SLC7A7: variants seen among roughly 807,000 people sequenced by gnomAD.
SLC7A7 encodes the protein Y+L amino acid transporter 1.
In SLC7A7, 39 loss-of-function variants were observed where a neutral mutation model predicts 47.9. The observed-to-expected ratio is 0.81, with a 90% confidence interval of 0.63 to 1.06. SLC7A7 has a LOEUF of 1.06. Ranked by LOEUF, SLC7A7 falls within the 50% of genes least tolerant of loss-of-function variation. The pLI is 0.00. For synonymous variants in SLC7A7, 234 were observed against 242.8 expected (o/e 0.96, Z 0.34); for missense variants, 588 against 632.0 (o/e 0.93, Z 0.75).
chr14:22,798,767 TC>T (rs2039060807), intron 2 of SLC7A7, among the ~76,000 whole-genome samples: 1 of 152,176 alleles, frequency 6.6e-6, no homozygotes, highest in South Asian at 2.1e-4. Context: ...GCAAAAGTTT[TC>T]CTTTGACCCT....
chr14:22,800,688 A>G (rs1376791738), intron 2 of SLC7A7, among the ~76,000 whole-genome samples: 2 of 54,490 alleles, frequency 3.7e-5, no homozygotes, highest in Non-Finnish European at 1.1e-4. Flanking sequence ...TAATCCTAAC[A>G]CTTTGTTTGG....
chr14:22,819,550 T>G (rs976050860), upstream of SLC7A7: 1 of 152,198 alleles, frequency 6.6e-6, no homozygotes, highest in Non-Finnish European at 1.5e-5. Flanking sequence ...CAGGAGGCTC[T>G]TGGGTCTCCA....
At chr14:22,780,410 T>A (rs2038699066) in intron 2 of SLC7A7, 1 of 288,934 alleles carries the variant, frequency 3.5e-6, no homozygotes, top group Non-Finnish European at 6.7e-6. Flanking sequence ...TCATGGTCTC[T>A]CCCTCCTACC....
At chr14:22,818,024 C>CAA (rs775030790), upstream of SLC7A7, among the ~76,000 whole-genome samples, 2 of 139,324 alleles carry the variant, frequency 1.4e-5, no homozygotes, top group African/African-American at 2.6e-5. Context: ...CTAAAGCAAA[C>CAA]AAAAAAAAAA....
chr14:22,773,545 A>G lies in SLC7A7; in HGVS notation c.*65T>C, dbSNP rs764394389. ...CCAAAGAAGTGAGCTTTCCTTTTCAACTTCCTTAGCTCTAGCCAGTAGACC... is the reference window on the plus strand; with the variant it reads ...CCAAAGAAGTGAGCTTTCCTTTTCAGCTTCCTTAGCTCTAGCCAGTAGACC... On this transcript the variant is annotated 3_prime_UTR_variant, in exon 10 of 10. Coordinates refer to ENST00000674313, the MANE Select transcript of SLC7A7 (RefSeq NM_003982.4). The G allele has an allele frequency of 6.3e-6, 9 of 1,428,984 alleles. No individual in the cohort carries two copies. In the Admixed American group the frequency reaches 8.6e-5, roughly 14 times the overall value. 88.5% of individuals were successfully genotyped at this position (1,428,984 alleles called of 1,614,324 possible).
Position 22,813,170 on chromosome 14 carries a change from C to T in SLC7A7, c.229G>A (p.Ala77Thr). 6.2e-7 allele frequency: 1 copy of T among 1,614,186 alleles called. No homozygotes were observed. Among genetic ancestry groups the T allele is most frequent in the South Asian group, 1.1e-5 (1 of 91,088 alleles). ...AAGACGGAGAAGAGGCCCCCGACAG[C>T]CCAGATGACCAGAGAGAGACCAAAG... is the stretch of plus-strand genomic sequence containing the variant. The part of the protein sequence containing the change: ...ASFGLSLVIW[A>T]VGGLFSVFGA... The change falls in exon 2 of 10, where the codon GCT (alanine) becomes ACT (threonine). Residue 77 changes from alanine to threonine, a missense_variant. Transcript: ENST00000674313.
intron 2 of SLC7A7, among the ~76,000 whole-genome samples, chr14:22,796,066 A>G (rs1350746910): frequency 6.6e-6 from 1 of 152,088 alleles, no homozygotes; most frequent in East Asian, 1.9e-4. Flanking sequence ...ATGAAAGCCT[A>G]TTTCTTGAGG....
rs1395295492 is a variant in SLC7A7 at position 22,776,217 on chromosome 14, A to G, written c.872T>C (p.Leu291Ser). Residue 291 changes from leucine to serine, a missense_variant, in exon 5 of 10, where the codon TTG becomes TCG. Leu to Ser is a moderately radical substitution (Grantham distance 145). Transcript: ENST00000674313. ...TACCACAGCAACAGCATCACTGGCC[A>G]AGATGTCTCTCATGTCTAGCACAGT... ...YYTVLDMRDI[L>S]ASDAVAVTFA... 6.2e-7 allele frequency: 1 copy of G among 1,614,246 alleles called. No individual in the cohort carries two copies. Among genetic ancestry groups the G allele is most frequent in the South Asian group, 1.1e-5 (1 of 91,088 alleles).
chr14:22,815,262 C>A, intron 1 of SLC7A7, 58 bp downstream of exon 1: 1 of 424,666 alleles, frequency 2.4e-6, no homozygotes, highest in Non-Finnish European at 4.8e-6. Flanking sequence ...TGCACAGCAG[C>A]AAAGAGGAGG....
chr14:22,785,685 G>A (rs1319004185), intron 2 of SLC7A7, among the ~76,000 whole-genome samples: 2 of 140,688 alleles, frequency 1.4e-5, no homozygotes, highest in African/African-American at 2.7e-5. Flanking sequence ...CTGAGATCTC[G>A]CCATTGCACC....
intron 2 of SLC7A7, among the ~76,000 whole-genome samples, chr14:22,799,777 T>C (rs1449073279): frequency 2.6e-5 from 4 of 152,142 alleles, no homozygotes; most frequent in Non-Finnish European, 5.9e-5. Context: ...TCAATAACCA[T>C]ATATACAATG....
intron 2 of SLC7A7, among the ~76,000 whole-genome samples, chr14:22,782,911 C>T (rs1228126918): frequency 6.6e-6 from 1 of 151,726 alleles, no homozygotes; most frequent in African/African-American, 2.4e-5. Flanking sequence ...CAAAGGTGTG[C>T]ACCACCATGC....
At chr14:22,791,577 GGTCTGTGTATA>G in intron 2 of SLC7A7, among the ~76,000 whole-genome samples, 1 of 152,152 alleles carries the variant, frequency 6.6e-6, no homozygotes, top group Non-Finnish European at 1.5e-5. Flanking sequence ...GGTTAGGCTG[GGTCTGTGTATA>G]GTCAGATGCA....
At chr14:22,816,791 A>T (rs2039412821), upstream of SLC7A7, among the ~76,000 whole-genome samples, 1 of 152,128 alleles carries the variant, frequency 6.6e-6, no homozygotes, top group Non-Finnish European at 1.5e-5. Context: ...TCTGGGAGAC[A>T]TCTCTACCAT....
intron 4 of SLC7A7, among the ~76,000 whole-genome samples, chr14:22,776,761 A>C (rs919833492): frequency 2.6e-5 from 4 of 152,056 alleles, no homozygotes; most frequent in African/African-American, 9.7e-5. Flanking sequence ...TGAGGTCAGG[A>C]GTTCAAGACC....
intron 2 of SLC7A7, among the ~76,000 whole-genome samples, chr14:22,795,438 C>CTTTTCTATTCT (rs1286168660): frequency 8.9e-6 from 1 of 111,996 alleles, no homozygotes; most frequent in African/African-American, 3.6e-5. Flanking sequence ...TTCTTTCTTT[C>CTTTTCTATTCT]TTTCTTTTCT....
rs11568434 is a variant in SLC7A7 at position 22,776,015 on chromosome 14, C to T, written c.895-79G>A. ...ATGGATGGGCATGCCCCCAGATTCC[C>T]CTTATTAGGTATTCCAACCTTTCTT... On this transcript the variant is annotated intron_variant, in intron 5 of 9. Coordinates refer to ENST00000674313, the MANE Select transcript of SLC7A7 (RefSeq NM_003982.4). The T allele has an allele frequency of 1.5e-3, 2,134 of 1,420,172 alleles. 23 individuals carry two copies. The East Asian group carries it at 0.026, about 17-fold the overall frequency. 88.0% of individuals were successfully genotyped at this position (1,420,172 alleles called of 1,614,324 possible). A position where few individuals can be genotyped will look rare whatever the true frequency, so the allele number is the denominator to read the frequency against.
Position 22,775,457 on chromosome 14 carries a change from G to A in SLC7A7, c.1082C>T (p.Ser361Phe), listed in dbSNP as rs2038582461. Residue 361 changes from serine to phenylalanine, a missense_variant, in exon 7 of 10, where the codon TCT becomes TTT. Physicochemically the swap from Ser to Phe is radical, Grantham distance 155. Transcript: ENST00000674313. ...IHVERFTPVP[S>F]LLFNGIMALI... ...GAGTTCACTTACATTGAAGAGCAGA[G>A]AAGGCACTGGTGTGAACCGCTCAAC... 1 of 1,613,788 alleles carries A rather than the reference G, an allele frequency of 6.2e-7. No individual in the cohort carries two copies. The highest frequency in any genetic ancestry group is 1.3e-5 in the African/African-American group (1 of 74,932).
At chr14:22,776,139 A>G (rs2038600799) in intron 5 of SLC7A7, 56 bp downstream of exon 5, 1 of 1,612,828 alleles carries the variant, frequency 6.2e-7, no homozygotes. Context: ...AAGAGCCAGA[A>G]TATACCCAGT....
Sources: gnomAD v4.1 joint callset for allele counts (sites outside exome capture counted in the v4.1 genomes callset) on GRCh38, gnomAD v4.1.1 for gene constraint, MANE v1.5 for transcripts, NCBI Gene and HGNC (gene_info 2026-07-23, HGNC 2026-07-21) for gene names.